Variants in SLX4 observed in about 807,000 individuals in gnomAD.
SLX4 encodes the protein structure-specific endonuclease subunit SLX4.
A neutral mutation model predicts 146.2 loss-of-function variants in SLX4; 112 were observed. The ratio of observed to expected loss-of-function variants is 0.77; its 90% CI spans 0.66 to 0.90. The LOEUF is 0.90. Ranked by LOEUF, SLX4 falls within the 40% of genes least tolerant of loss-of-function variation. The pLI, the probability that SLX4 is intolerant of heterozygous loss-of-function variation, is 0.00. For missense variants in SLX4, 2,563 were observed against 2,392.7 expected, an observed-to-expected ratio of 1.07 and a Z score of -1.49; for synonymous variants, 1,061 against 997.7, an observed-to-expected ratio of 1.06 and a Z score of -1.20.
In SLX4 at chr16:3,596,189, CGGGCCACG is replaced by C. The variant is rs1266198754; in HGVS notation, c.1880_1887del (p.Pro627ArgfsTer51). On this transcript the variant is annotated frameshift_variant, in exon 8 of 15. Transcript: ENST00000294008. LOFTEE classifies it high-confidence loss of function. ...TCCGAGCCAGCCAGGCCCCCACTGCCGGGCCACGGGCTGGCGCTCAGTCCCTCCCTCGC... is the reference window on the plus strand; with the variant it reads ...TCCGAGCCAGCCAGGCCCCCACTGCCGGCTGGCGCTCAGTCCCTCCCTCGC... The C allele has an allele frequency of 1.3e-6, 2 of 1,550,822 alleles. No individual in the cohort carries two copies. The highest frequency in any genetic ancestry group is 3.8e-5 in the Admixed American group (2 of 51,992).
At chr16:3,603,415 G>A (rs1263289681) in intron 3 of SLX4, among the ~76,000 whole-genome samples, 2 of 152,214 alleles carry the variant, frequency 1.3e-5, no homozygotes, top group African/African-American at 4.8e-5. Flanking sequence ...TGAAGATACA[G>A]AGAGAACTGA....
At position 3,590,520 on chromosome 16, in the gene SLX4, G is replaced by A. The variant is rs201359490; in HGVS notation, c.3118C>T (p.Pro1040Ser). Residue 1040 changes from proline (P) to serine (S), a missense_variant, in exon 12 of 15, where the codon CCC (proline) becomes TCC (serine). By Grantham distance (74) the Pro-to-Ser change is moderately conservative. Transcript: ENST00000294008. The surrounding 1 kb of genome is among the most constrained non-coding windows in gnomAD (Gnocchi z 4.8). Reference protein sequence around the residue: ...PHPCRFLLGPPQGGSPRGSHH... With the variant: ...PHPCRFLLGPSQGGSPRGSHH... ...GACCCGCGGGGACTCCCGCCCTGGG[G>A]AGGCCCCAATAGGAAGCGGCACGGG... is the stretch of plus-strand genomic sequence containing the variant. The A allele has an allele frequency of 1.4e-5, 22 of 1,613,436 alleles. No individual in the cohort carries two copies. The highest frequency in any genetic ancestry group is 1.0e-4 in the Admixed American group (6 of 60,022).
chr16:3,603,311 T>C (rs1350215317), intron 3 of SLX4, among the ~76,000 whole-genome samples: 1 of 152,262 alleles, frequency 6.6e-6, no homozygotes, highest in Admixed American at 6.5e-5. Flanking sequence ...CCCAAAGTGC[T>C]GGGATTACAG....
At position 3,582,356 on chromosome 16, in the gene SLX4, CCTT is replaced by C. The variant is rs758485573; in HGVS notation, c.5488_5490del (p.Lys1830del). 1.2e-5 allele frequency: 19 copies of C among 1,612,238 alleles called. No homozygotes were observed. The highest frequency in any genetic ancestry group is 2.7e-5 in the African/African-American group (2 of 75,022). On this transcript the variant is annotated inframe_deletion, in exon 15 of 15. Transcript: ENST00000294008. ...GGATGGCCCCATCAGTTCCGCTCCACCTTCTTCTTGCCCCGAGGCTGCCGCCTC... is the reference window on the plus strand; with the variant it reads ...GGATGGCCCCATCAGTTCCGCTCCACCTTCTTGCCCCGAGGCTGCCGCCTC...
At position 3,597,395 on chromosome 16, in the gene SLX4, G is replaced by A. The variant is rs774791210; in HGVS notation, c.1667C>T (p.Pro556Leu). 1 of 1,584,868 alleles carries A rather than the reference G, an allele frequency of 6.3e-7. No individual in the cohort carries two copies. Among genetic ancestry groups the A allele is most frequent in the East Asian group, 2.3e-5 (1 of 44,072 alleles). ...GGGACTCACCTGGGCAGGCCGCTGG[G>A]GCACGAGAGGAGGGACCAGCCTGGC... The part of the protein sequence containing the change: ...YTARLVPPLV[P>L]QRPAQGLMQE... The change falls in exon 7 of 15, where the codon CCC becomes CTC. Residue 556 changes from proline to leucine, a missense_variant. Pro to Leu is a moderately conservative substitution (Grantham distance 98). Coordinates refer to ENST00000294008, the MANE Select transcript of SLX4 (RefSeq NM_032444.4). The surrounding 1 kb of genome is among the most constrained non-coding windows in gnomAD (Gnocchi z 4.4).
At position 3,582,670 on chromosome 16, in the gene SLX4, G is replaced by A. The variant is rs752633436; in HGVS notation, c.5177C>T (p.Ala1726Val). Reference sequence around the variant, plus strand: ...CTCTTCACCTGCAGACTCAAATGCCGCTCCAAACTCACAGGAGGAAGAACT... The same window carrying A: ...CTCTTCACCTGCAGACTCAAATGCCACTCCAAACTCACAGGAGGAAGAACT... The part of the protein sequence containing the change: ...SQSSSSCEFG[A>V]AFESAGEEEG... Residue 1726 changes from alanine to valine, a missense_variant, in exon 15 of 15, where the codon GCG becomes GTG. Transcript: ENST00000294008. 62 of 1,612,682 alleles carry A rather than the reference G, an allele frequency of 3.8e-5. No individual in the cohort carries two copies. In the East Asian group the frequency reaches 1.1e-3, roughly 28 times the overall value.
chr16:3,596,248 T>C lies in SLX4; in HGVS notation c.1829A>G (p.Gln610Arg), dbSNP rs544935776. ...CAGGTCCACGAGGTCCTGCAGGGCCTGGTGCTCCCTCTGGCTGGCCGAAGG... is the reference window on the plus strand; with the variant it reads ...CAGGTCCACGAGGTCCTGCAGGGCCCGGTGCTCCCTCTGGCTGGCCGAAGG... ...PSPSASQREHQALQDLVDLAR... is the reference protein window; with the variant it reads ...PSPSASQREHRALQDLVDLAR... The change falls in exon 8 of 15, where the codon CAG becomes CGG. Residue 610 changes from glutamine (Q) to arginine (R), a missense_variant. Physicochemically the swap from Gln to Arg is conservative, Grantham distance 43. Transcript: ENST00000294008. 1.1e-4 allele frequency: 176 copies of C among 1,556,680 alleles called. No individual in the cohort carries two copies. Among genetic ancestry groups the C allele is most frequent in the Non-Finnish European group, 1.4e-4 (159 of 1,152,028 alleles).
intron 4 of SLX4, 123 bp downstream of exon 4, chr16:3,601,995 G>C: frequency 1.8e-6 from 2 of 1,120,030 alleles, no homozygotes; most frequent in South Asian, 1.3e-5. Flanking sequence ...AAAAGGGGTA[G>C]GTTGACAACA....
chr16:3,596,163 T>C lies in SLX4; in HGVS notation c.1914A>G (p.Glu638=), dbSNP rs2151129812. 6.4e-7 allele frequency: 1 copy of C among 1,551,320 alleles called. No homozygotes were observed. The highest frequency in any genetic ancestry group is 1.2e-5 in the South Asian group (1 of 84,334). The change falls in exon 8 of 15, where the codon GAA becomes GAG. Residue 638 remains glutamate (E), a synonymous_variant. Transcript: ENST00000294008. ...WPGSGGLAGS[E]GTAGLDVVPG... ...CACCCAGCATCTCACCTGCAGTCCCTTCCGAGCCAGCCAGGCCCCCACTGC... is the reference window on the plus strand; with the variant it reads ...CACCCAGCATCTCACCTGCAGTCCCCTCCGAGCCAGCCAGGCCCCCACTGC...
At chr16:3,604,716 A>T (rs2040764143) in intron 3 of SLX4, among the ~76,000 whole-genome samples, 1 of 151,670 alleles carries the variant, frequency 6.6e-6, no homozygotes, top group Non-Finnish European at 1.5e-5. Flanking sequence ...AGCTTCCTGG[A>T]AGCTGAGGCA....
intron 3 of SLX4, among the ~76,000 whole-genome samples, chr16:3,604,727 G>A (rs950102191): frequency 6.6e-6 from 1 of 151,192 alleles, no homozygotes; most frequent in African/African-American, 2.4e-5. Context: ...AGCTGAGGCA[G>A]GAGAATGGCT....
chr16:3,608,928 A>G lies in SLX4; in HGVS notation c.37T>C (p.Tyr13His), dbSNP rs2040817612. The G allele has an allele frequency of 6.2e-7, 1 of 1,613,954 alleles. No individual in the cohort carries two copies. The highest frequency in any genetic ancestry group is 1.7e-5 in the Admixed American group (1 of 59,998). The change falls in exon 2 of 15, where the codon TAC (tyrosine) becomes CAC (histidine). Residue 13 changes from tyrosine to histidine, a missense_variant. Transcript: ENST00000294008. ...GACAGATGAGAAAGTGAACCCAAGT[A>G]GAAGCCTAGCTGAGCCTCATTCACA... ...LSVNEAQLGF[Y>H]LGSLSHLSAC...
rs1273323137 is a variant in SLX4 at position 3,606,467 on chromosome 16, A to C, written c.760+7T>G. ...CTGTGTGGAAGACAGAAACACACTCATCATACCATTCCCCGCCATCATCTC... is the reference window on the plus strand; with the variant it reads ...CTGTGTGGAAGACAGAAACACACTCCTCATACCATTCCCCGCCATCATCTC... On this transcript the variant is annotated splice_region_variant and intron_variant, in intron 3 of 14. Coordinates refer to ENST00000294008, the MANE Select transcript of SLX4 (RefSeq NM_032444.4). 6.2e-7 allele frequency: 1 copy of C among 1,613,966 alleles called. No individual in the cohort carries two copies. The highest frequency in any genetic ancestry group is 1.7e-5 in the Admixed American group (1 of 60,018).
Position 3,590,581 on chromosome 16 carries a change from A to G in SLX4, c.3057T>C (p.Ser1019=), listed in dbSNP as rs2151124452. ...GAVRERGLEV[S]HRLAPWQASP... ...ATGCCTGCCAGGGAGCCAGGCGATG[A>G]GAAACCTCCAGCCCCCTTTCCCTGA... Residue 1019 remains serine (S), a synonymous_variant, in exon 12 of 15, where the codon TCT becomes TCC. Coordinates refer to ENST00000294008, the MANE Select transcript of SLX4 (RefSeq NM_032444.4). This position sits in a 1 kb window ranked among gnomAD's most constrained non-coding sequence, Gnocchi z 4.8. The G allele has an allele frequency of 6.2e-7, 1 of 1,612,890 alleles. No homozygotes were observed. Among genetic ancestry groups the G allele is most frequent in the East Asian group, 2.2e-5 (1 of 44,854 alleles).
chr16:3,600,248 G>A lies in SLX4; in HGVS notation c.1163+731C>T, dbSNP rs1040414341. ...TGCCACCACTGATCTGACAGGAGGC[G>A]GAGCTCAGGCAGTAAAGCTTGCCTG... On this transcript the variant is annotated intron_variant, in intron 5 of 14. Coordinates refer to ENST00000294008, the MANE Select transcript of SLX4 (RefSeq NM_032444.4). 3.9e-5 allele frequency among the ~76,000 whole-genome samples: 6 copies of A among 152,278 alleles called. No individual in the cohort carries two copies. In the South Asian group the frequency reaches 8.3e-4, roughly 21 times the overall value.
intron 4 of SLX4, chr16:3,601,875 T>G: frequency 2.0e-6 from 1 of 498,352 alleles, no homozygotes; most frequent in Non-Finnish European, 3.7e-6. Flanking sequence ...CCAGAAGTGA[T>G]TGTGGTGACA....
At chr16:3,584,963 C>T in intron 12 of SLX4, 92 bp from the exon 13 acceptor site, 3 of 950,714 alleles carry the variant, frequency 3.2e-6, no homozygotes, top group Non-Finnish European at 5.2e-6. Flanking sequence ...GAATAATGCA[C>T]TTGAAGATAA....
intron 3 of SLX4, among the ~76,000 whole-genome samples, chr16:3,604,441 G>A (rs1305589180): frequency 6.6e-6 from 1 of 152,106 alleles, no homozygotes. Flanking sequence ...GGAATTAAGC[G>A]TGCTAATGGT....
intron 12 of SLX4, among the ~76,000 whole-genome samples, chr16:3,587,295 A>G (rs1432431634): frequency 6.6e-6 from 1 of 152,180 alleles, no homozygotes; most frequent in Non-Finnish European, 1.5e-5. Context: ...TCAGCAGCTC[A>G]AGACCAGCCT....
Sources: gnomAD v4.1 joint callset for allele counts (sites outside exome capture counted in the v4.1 genomes callset) on GRCh38, gnomAD v4.1.1 for gene constraint, Gnocchi (gnomAD v3.1) non-coding constraint, MANE v1.5 for transcripts, NCBI Gene and HGNC (gene_info 2026-07-23, HGNC 2026-07-21) for gene names.